LRRD1: variants seen among roughly 807,000 people sequenced by gnomAD.
LRRD1 encodes leucine-rich repeat and death domain-containing protein 1.
LRRD1 carries 49 observed loss-of-function variants against 69.5 expected under a neutral mutation model. That is an observed-to-expected ratio of 0.70 (90% CI 0.56 to 0.89). The LOEUF is 0.89. Among genes scored for constraint, LRRD1 ranks in the 40% least tolerant of loss-of-function variants. The pLI, the probability that LRRD1 is intolerant of heterozygous loss-of-function variation, is 0.00. For synonymous variants in LRRD1, 303 were observed against 338.9 expected (o/e 0.89, Z 1.16); for missense variants, 853 against 956.0 (o/e 0.89, Z 1.42).
At chr7:92,171,412 T>C (rs558722611) in intron 1 of LRRD1, among the ~76,000 whole-genome samples, 1 of 151,912 alleles carries the variant, frequency 6.6e-6, no homozygotes, top group Non-Finnish European at 1.5e-5. Context: ...CATCAACAAA[T>C]TGGAAAACCT....
chr7:92,174,490 TATATATATATATATATATA>T (rs1406470876), intron 1 of LRRD1, among the ~76,000 whole-genome samples: 5 of 18,004 alleles, frequency 2.8e-4, no homozygotes, highest in South Asian at 1.7e-3. Context: ...TATATATATA[TATATATATATATATATATA>T]TTTTTTTTTT....
intron 4 of LRRD1, among the ~76,000 whole-genome samples, chr7:92,147,267 C>T (rs1332015094): frequency 6.6e-6 from 1 of 151,998 alleles, no homozygotes; most frequent in Non-Finnish European, 1.5e-5. Flanking sequence ...GGGGTTTCTC[C>T]ATGTTGGTCA....
chr7:92,169,579 G>C (rs891148475), intron 1 of LRRD1, among the ~76,000 whole-genome samples: 32 of 151,982 alleles, frequency 2.1e-4, no homozygotes, highest in Admixed American at 1.7e-3. Flanking sequence ...AAACCCAAGA[G>C]GCAGAGGTTG....
chr7:92,176,134 T>C (rs1789192074), intron 1 of LRRD1, among the ~76,000 whole-genome samples: 1 of 152,226 alleles, frequency 6.6e-6, no homozygotes, highest in Non-Finnish European at 1.5e-5. Context: ...AGTATCTTGC[T>C]TGGATTTCAG....
At chr7:92,178,486 C>A (rs112576974) in intron 1 of LRRD1, among the ~76,000 whole-genome samples, 1 of 152,048 alleles carries the variant, frequency 6.6e-6, no homozygotes, top group African/African-American at 2.4e-5. Context: ...GCCTGGCCAA[C>A]AGGGTGAAAC....
chr7:92,142,343 G>C, downstream of LRRD1: 2 of 414,192 alleles, frequency 4.8e-6, no homozygotes, highest in South Asian at 3.6e-5. Context: ...AAGTGCAGAA[G>C]TATGGGGATT....
rs1013478178 is a variant in LRRD1 at position 92,162,571 on chromosome 7, A to C, written c.1917+715T>G. ...GTAAGATAAAATGCTAAGCTCTAAA[A>C]ATGTTAATTCTTATTGATCTAGCAA... On this transcript the variant is annotated intron_variant, in intron 2 of 5. Coordinates refer to ENST00000458448, the MANE Select transcript of LRRD1 (RefSeq NM_001161528.2). Among the ~76,000 whole-genome samples, 18 of 152,332 alleles carry C rather than the reference A, an allele frequency of 1.2e-4. 1 individual carries two copies. The highest frequency in any genetic ancestry group is 3.8e-4 in the African/African-American group (16 of 41,584).
Position 92,164,227 on chromosome 7 carries a change from T to C in LRRD1, c.976A>G (p.Lys326Glu). ...TCCATTAAAAGTGTTTCTAAATTTT[T>C]AAGCTCTCTAATTTCTTTTGGCAAA... The part of the protein sequence containing the change: ...SSLPKEIREL[K>E]NLETLLMDHN... Residue 326 changes from lysine to glutamate, a missense_variant, in exon 2 of 6, where the codon AAA (lysine) becomes GAA (glutamate). Coordinates refer to ENST00000458448, the MANE Select transcript of LRRD1 (RefSeq NM_001161528.2). The C allele has an allele frequency of 1.3e-6, 2 of 1,549,712 alleles. No homozygotes were observed. The highest frequency in any genetic ancestry group is 1.7e-6 in the Non-Finnish European group (2 of 1,146,402).
chr7:92,178,133 G>A (rs1789236280), intron 1 of LRRD1, among the ~76,000 whole-genome samples: 1 of 152,108 alleles, frequency 6.6e-6, no homozygotes, highest in African/African-American at 2.4e-5. Context: ...CTAACACGGT[G>A]AAACCCCGTC....
rs1788881586 is a variant in LRRD1 at position 92,165,169 on chromosome 7, C to G, written c.34G>C (p.Glu12Gln). Residue 12 changes from glutamate (E) to glutamine (Q), a missense_variant, in exon 2 of 6, where the codon GAG (glutamate) becomes CAG (glutamine). Physicochemically the swap from Glu to Gln is conservative, Grantham distance 29 (BLOSUM62 2). Coordinates refer to ENST00000458448, the MANE Select transcript of LRRD1 (RefSeq NM_001161528.2). ...TTCCTAAATTGACTAATAGTATCCT[C>G]TAGCACTTCTGACATACCCTCCTTT... ...SEKEGMSEVL[E>Q]DTISQFRKES... 6.5e-7 allele frequency: 1 copy of G among 1,527,312 alleles called. No homozygotes were observed. The highest frequency in any genetic ancestry group is 8.8e-7 in the Non-Finnish European group (1 of 1,133,970). The allele number at this position is 1,527,312 out of a possible 1,614,324, so 94.6% of individuals were successfully genotyped here.
chr7:92,165,378 T>C (rs1393090733), intron 1 of LRRD1, 102 bp from the exon 2 acceptor site: 2 of 351,372 alleles, frequency 5.7e-6, no homozygotes, highest in Non-Finnish European at 1.0e-5. Context: ...TTAATACAAA[T>C]ACAAATAATA....
intron 4 of LRRD1, 43 bp downstream of exon 4, chr7:92,150,491 A>G (rs752765040): frequency 5.4e-5 from 77 of 1,429,942 alleles, no homozygotes; most frequent in Non-Finnish European, 9.3e-7. Flanking sequence ...AAATAAAATA[A>G]AAAAGAAATG....
intron 1 of LRRD1, among the ~76,000 whole-genome samples, chr7:92,169,103 G>C (rs1010842531): frequency 6.6e-6 from 1 of 151,986 alleles, no homozygotes; most frequent in African/African-American, 2.4e-5. Context: ...ATTTTTAGTA[G>C]AGACAGGGTT....
At chr7:92,162,766 A>G (rs1162194298) in intron 2 of LRRD1, among the ~76,000 whole-genome samples, 2 of 152,208 alleles carry the variant, frequency 1.3e-5, no homozygotes, top group Admixed American at 1.3e-4. Flanking sequence ...TATTGGGAAG[A>G]TGGTTATATC....
intron 3 of LRRD1, among the ~76,000 whole-genome samples, chr7:92,155,182 T>C (rs1788625454): frequency 6.6e-6 from 1 of 152,202 alleles, no homozygotes; most frequent in East Asian, 1.9e-4. Flanking sequence ...ATTGCCAGCA[T>C]CACTACTCTT....
chr7:92,166,789 G>A (rs1318245356), intron 1 of LRRD1, among the ~76,000 whole-genome samples: 1 of 152,006 alleles, frequency 6.6e-6, no homozygotes, highest in African/African-American at 2.4e-5. Context: ...CTGCTAAAGG[G>A]TACCCATAAA....
intron 2 of LRRD1, 84 bp downstream of exon 2, chr7:92,163,202 G>A (rs1483047225): frequency 2.4e-6 from 2 of 845,784 alleles, no homozygotes; most frequent in Admixed American, 7.6e-5. Flanking sequence ...ACACACATAC[G>A]GTACCCACAG....
In LRRD1 at chr7:92,165,123, A is replaced by G. The variant is rs546282714; in HGVS notation, c.80T>C (p.Met27Thr). ...QFRKESRSQS[M>T]KEPGFIKETS... ...TTCTTTAATAAAGCCAGGCTCCTTCATTGACTGTGATCTAGATTCTTTCCT... is the reference window on the plus strand; with the variant it reads ...TTCTTTAATAAAGCCAGGCTCCTTCGTTGACTGTGATCTAGATTCTTTCCT... The change falls in exon 2 of 6, where the codon ATG (methionine) becomes ACG (threonine). Residue 27 changes from methionine (M) to threonine (T), a missense_variant. Coordinates refer to ENST00000458448, the MANE Select transcript of LRRD1 (RefSeq NM_001161528.2). 1 of 1,551,108 alleles carries G rather than the reference A, an allele frequency of 6.4e-7. No individual in the cohort carries two copies. The highest frequency in any genetic ancestry group is 8.7e-7 in the Non-Finnish European group (1 of 1,146,864).
chr7:92,173,122 T>A (rs1253317595), intron 1 of LRRD1, among the ~76,000 whole-genome samples: 1 of 152,148 alleles, frequency 6.6e-6, no homozygotes, highest in African/African-American at 2.4e-5. Context: ...TAAATGGTGC[T>A]GAGAAAACTG....
Sources: allele counts gnomAD v4.1 joint callset (sites outside exome capture counted in the v4.1 genomes callset), GRCh38; gene constraint gnomAD v4.1.1; transcripts MANE v1.5; gene names NCBI Gene and HGNC (gene_info 2026-07-23, HGNC 2026-07-21).